The following PSAT1 variants were observed in gnomAD, a reference collection of about 807,000 sequenced individuals.
PSAT1 encodes phosphoserine aminotransferase 1.
Under a neutral mutation model 40.3 loss-of-function variants are expected in PSAT1, and 41 were observed. The ratio of observed to expected loss-of-function variants is 1.02; its 90% CI spans 0.79 to 1.32. The LOEUF is 1.32. PSAT1 is among the 40% of genes most tolerant of loss of function. The pLI is 0.00. For synonymous variants in PSAT1, 147 were observed against 170.5 expected, an observed-to-expected ratio of 0.86 and a Z score of 1.07; for missense variants, 406 against 455.8, an observed-to-expected ratio of 0.89 and a Z score of 0.99.
chr9:78,301,897 G>T, intron 2 of PSAT1, 57 bp from the exon 3 acceptor site: 1 of 1,354,958 alleles, frequency 7.4e-7, no homozygotes, highest in South Asian at 1.2e-5. Context: ...AGGTATTTCT[G>T]TTCATTTGGT....
At chr9:78,297,469 G>A (rs1260650842) in intron 1 of PSAT1, among the ~76,000 whole-genome samples, 199 bp downstream of exon 1, 1 of 152,232 alleles carries the variant, frequency 6.6e-6, no homozygotes, top group Non-Finnish European at 1.5e-5. Context: ...AGGAAGCTCG[G>A]CGAGGCGTGC....
chr9:78,325,900 A>T (rs1358272428), intron 7 of PSAT1, among the ~76,000 whole-genome samples: 2 of 152,192 alleles, frequency 1.3e-5, no homozygotes, highest in Non-Finnish European at 2.9e-5. Context: ...GTAAATACGG[A>T]TGCTTAATTC....
intron 7 of PSAT1, among the ~76,000 whole-genome samples, chr9:78,324,082 C>T (rs1287939468): frequency 1.3e-5 from 2 of 152,086 alleles, no homozygotes; most frequent in African/African-American, 2.4e-5. Context: ...TGGAAAGTCC[C>T]GGTGTGTCCC....
chr9:78,297,613 C>G (rs575740180), intron 1 of PSAT1, among the ~76,000 whole-genome samples: 54 of 152,328 alleles, frequency 3.5e-4, no homozygotes, highest in African/African-American at 1.2e-3. Flanking sequence ...GGTCCGGGGG[C>G]TGGGGCGGGG....
chr9:78,317,911 A>G, intron 7 of PSAT1, 107 bp downstream of exon 7: 1 of 1,341,298 alleles, frequency 7.5e-7, no homozygotes, highest in South Asian at 1.2e-5. Flanking sequence ...CTGAGACATT[A>G]AAATACTGGT....
intron 7 of PSAT1, 132 bp downstream of exon 7, chr9:78,317,936 C>A: frequency 8.6e-7 from 1 of 1,158,114 alleles, no homozygotes; most frequent in Non-Finnish European, 1.3e-6. Context: ...GTGTGTGGTC[C>A]TGGGCCCCAT....
rs1828553562 is a variant in PSAT1, at chr9:78,329,720, T to C, written c.*634T>C. On this transcript the variant is annotated 3_prime_UTR_variant, in exon 9 of 9. Coordinates refer to ENST00000376588, the MANE Select transcript of PSAT1 (RefSeq NM_058179.4). ...ATAATACAGTTATCACTGATATATG[T>C]AGACACTTTTAGAATTTATTAAATC... is the stretch of plus-strand genomic sequence containing the variant. 1 of 152,572 alleles carries C rather than the reference T, an allele frequency of 6.6e-6. No individual in the cohort carries two copies. The highest frequency in any genetic ancestry group is 1.5e-5 in the Non-Finnish European group (1 of 68,302). The allele number at this position is 152,572 out of a possible 1,614,324, so 9.5% of individuals were successfully genotyped here.
In PSAT1 at chr9:78,323,117, G is replaced by T. The variant is rs577204042; in HGVS notation, c.870-4934G>T. 8.5e-5 allele frequency among the ~76,000 whole-genome samples: 13 copies of T among 152,288 alleles called. No homozygotes were observed. In the South Asian group the frequency reaches 2.7e-3, roughly 32 times the overall value. ...TATGCAGTTGTGCCCATCAGTAGGG[G>T]TCTGATGAAAACAATGAGGATCTGT... On this transcript the variant is annotated intron_variant, in intron 7 of 8. Coordinates refer to ENST00000376588, the MANE Select transcript of PSAT1 (RefSeq NM_058179.4).
intron 7 of PSAT1, among the ~76,000 whole-genome samples, chr9:78,327,261 A>G (rs1564020656): frequency 6.6e-6 from 1 of 151,964 alleles, no homozygotes; most frequent in African/African-American, 2.4e-5. Context: ...GCGCTTGGCC[A>G]TGACAGCAAT....
At chr9:78,312,379 T>G (rs1828280722) in intron 6 of PSAT1, among the ~76,000 whole-genome samples, 1 of 152,128 alleles carries the variant, frequency 6.6e-6, no homozygotes, top group Non-Finnish European at 1.5e-5. Flanking sequence ...AAATAGACCA[T>G]TAATCTTAGG....
intron 7 of PSAT1, among the ~76,000 whole-genome samples, chr9:78,323,309 G>A (rs1051304168): frequency 1.3e-5 from 2 of 152,220 alleles, no homozygotes; most frequent in Non-Finnish European, 2.9e-5. Flanking sequence ...AGTGGCTGAT[G>A]CTTGTAATCC....
chr9:78,320,562 CCCTT>C, intron 7 of PSAT1, among the ~76,000 whole-genome samples: 2 of 149,626 alleles, frequency 1.3e-5, no homozygotes, highest in Middle Eastern at 3.5e-3. Flanking sequence ...TGTCCATTCA[CCCTT>C]CCACCTATCC....
chr9:78,326,678 A>T (rs1395747436), intron 7 of PSAT1, among the ~76,000 whole-genome samples: 2 of 152,020 alleles, frequency 1.3e-5, no homozygotes, highest in Non-Finnish European at 2.9e-5. Flanking sequence ...GCATCATAGA[A>T]CACCTTAAAA....
chr9:78,303,256 T>C (rs578070682), intron 3 of PSAT1, among the ~76,000 whole-genome samples: 53 of 152,352 alleles, frequency 3.5e-4, no homozygotes, highest in Admixed American at 3.0e-3. Context: ...GTGATATTTC[T>C]GTGAGGAGCT....
At position 78,304,751 on chromosome 9, in the gene PSAT1, T is replaced by A. The variant is rs1828155814; in HGVS notation, c.208T>A (p.Tyr70Asn). 6.2e-7 allele frequency: 1 copy of A among 1,613,900 alleles called. No homozygotes were observed. Among genetic ancestry groups the A allele is most frequent in the South Asian group, 1.1e-5 (1 of 91,082 alleles). ...TCTGCCCAGAGCTGTTCCAGACAAC[T>A]ATAAGGTGATTTTTCTGCAAGGAGG... ...VRELLAVPDN[Y>N]KVIFLQGGGC... Residue 70 changes from tyrosine (Y) to asparagine (N), a missense_variant, in exon 4 of 9, where the codon TAT becomes AAT. By Grantham distance (143) the Tyr-to-Asn change is moderately radical (BLOSUM62 -2). Coordinates refer to ENST00000376588, the MANE Select transcript of PSAT1 (RefSeq NM_058179.4).
intron 7 of PSAT1, among the ~76,000 whole-genome samples, chr9:78,322,257 C>T (rs778714566): frequency 5.3e-5 from 8 of 152,018 alleles, no homozygotes; most frequent in Admixed American, 2.6e-4. Context: ...GAAGGAGGCA[C>T]GTGATGGGTC....
intron 2 of PSAT1, among the ~76,000 whole-genome samples, 173 bp from the exon 3 acceptor site, chr9:78,301,781 T>A (rs1828110808): frequency 6.6e-6 from 1 of 152,198 alleles, no homozygotes; most frequent in African/African-American, 2.4e-5. Flanking sequence ...GTTTGCAATT[T>A]GAAAATCAGT....
chr9:78,303,987 T>A (rs1251135470), intron 3 of PSAT1, among the ~76,000 whole-genome samples: 1 of 152,168 alleles, frequency 6.6e-6, no homozygotes, highest in Non-Finnish European at 1.5e-5. Context: ...ATTTTGCTTT[T>A]TATTTTGATG....
chr9:78,297,524 A>G (rs4877545), intron 1 of PSAT1, among the ~76,000 whole-genome samples: 2 of 152,226 alleles, frequency 1.3e-5, no homozygotes, highest in African/African-American at 4.8e-5. Flanking sequence ...GAGGCAGTGC[A>G]CGACTCAGCT....
Sources: gnomAD v4.1 joint callset for allele counts (sites outside exome capture counted in the v4.1 genomes callset) on GRCh38, gnomAD v4.1.1 for gene constraint, MANE v1.5 for transcripts, NCBI Gene and HGNC (gene_info 2026-07-23, HGNC 2026-07-21) for gene names.